The following U2AF2 variants were observed in gnomAD, a reference collection of about 807,000 sequenced individuals.
U2AF2 encodes splicing factor U2AF 65 kDa subunit.
Under a neutral mutation model 52.6 loss-of-function variants are expected in U2AF2, and 6 were observed. The ratio of observed to expected loss-of-function variants is 0.11; its 90% CI spans 0.06 to 0.23. U2AF2 has a LOEUF of 0.23. U2AF2 is among the 10% of genes least tolerant of loss of function. U2AF2 has a pLI of 1.00. For missense variants in U2AF2, 222 were observed against 677.1 expected (o/e 0.33, Z 7.46); for synonymous variants, 284 against 258.2 (o/e 1.10, Z -0.96).
rs889385345 is a variant in U2AF2, at chr19:55,668,713, A to G, written c.866A>G (p.Asn289Ser). 1 of 1,613,660 alleles carries G rather than the reference A, an allele frequency of 6.2e-7. No homozygotes were observed. The highest frequency in any genetic ancestry group is 8.5e-7 in the Non-Finnish European group (1 of 1,179,746). ...LTSFGPLKAFNLVKDSATGLS... is the reference protein window; with the variant it reads ...LTSFGPLKAFSLVKDSATGLS... ...TCCTTTGGGCCCCTCAAGGCCTTCAACCTGGTCAAGGACAGTGCCACGGGG... is the reference window on the plus strand; with the variant it reads ...TCCTTTGGGCCCCTCAAGGCCTTCAGCCTGGTCAAGGACAGTGCCACGGGG... The change falls in exon 9 of 12, where the codon AAC becomes AGC. Residue 289 changes from asparagine (N) to serine (S), a missense_variant. Transcript: ENST00000308924. This position sits in a 1 kb window ranked among gnomAD's most constrained non-coding sequence, Gnocchi z 5.5.
At chr19:55,658,915 C>T (rs993801701) in intron 1 of U2AF2, 3 of 333,010 alleles carry the variant, frequency 9.0e-6, no homozygotes, top group East Asian at 9.6e-5. Context: ...CCTCAGCCCT[C>T]GAGGGGGACC....
intron 11 of U2AF2, chr19:55,670,580 T>C (rs1054551236): frequency 8.4e-6 from 2 of 238,876 alleles, no homozygotes; most frequent in African/African-American, 5.0e-5. Context: ...GCATGCCGTA[T>C]TGAGTCGGGG....
intron 7 of U2AF2, among the ~76,000 whole-genome samples, chr19:55,664,774 G>A (rs1490528055): frequency 6.6e-6 from 1 of 152,174 alleles, no homozygotes; most frequent in African/African-American, 2.4e-5. Flanking sequence ...CTGGAATGCA[G>A]TGGCACGATC....
In U2AF2 at chr19:55,660,160, T is replaced by TTCC; in HGVS notation, c.186-17_186-16insTCC. 1.3e-6 allele frequency: 2 copies of TTCC among 1,595,006 alleles called. No homozygotes were observed. Among genetic ancestry groups the TTCC allele is most frequent in the Middle Eastern group, 1.7e-4 (1 of 5,986 alleles). ...CCCCAGTCACCCCTCCCCATACCTT[T>TTCC]CCCTCCCACCCCCCAGCAAACCTTT... On this transcript the variant is annotated splice_polypyrimidine_tract_variant and intron_variant, in intron 2 of 11. Coordinates refer to ENST00000308924, the MANE Select transcript of U2AF2 (RefSeq NM_007279.3).
Position 55,660,174 on chromosome 19 carries a change from C to T in U2AF2, c.186-3C>T, listed in dbSNP as rs377152970. On this transcript the variant is annotated splice_region_variant and splice_polypyrimidine_tract_variant and intron_variant, in intron 2 of 11. Transcript: ENST00000308924. ...CCCCATACCTTTCCCTCCCACCCCCCAGCAAACCTTTGACCAGAGGCGCTA... is the reference window on the plus strand; with the variant it reads ...CCCCATACCTTTCCCTCCCACCCCCTAGCAAACCTTTGACCAGAGGCGCTA... The T allele has an allele frequency of 3.8e-5, 61 of 1,609,126 alleles. No individual in the cohort carries two copies. The highest frequency in any genetic ancestry group is 1.7e-4 in the African/African-American group (13 of 74,634).
At chr19:55,661,811 G>C (rs988806242) in intron 5 of U2AF2, 2 of 152,064 alleles carry the variant, frequency 1.3e-5, no homozygotes, top group Non-Finnish European at 2.9e-5. Flanking sequence ...GCAACAAAAA[G>C]TTTGCTACCA....
At chr19:55,661,473 C>T (rs1480108469) in intron 5 of U2AF2, among the ~76,000 whole-genome samples, 1 of 145,780 alleles carries the variant, frequency 6.9e-6, no homozygotes, top group Admixed American at 7.0e-5. Context: ...ACCTACGTGT[C>T]GGAGAGAGAC....
At chr19:55,658,145 T>C (rs376993033) in intron 1 of U2AF2, among the ~76,000 whole-genome samples, 1 of 152,196 alleles carries the variant, frequency 6.6e-6, no homozygotes, top group Non-Finnish European at 1.5e-5. Context: ...TTCCTCCTCT[T>C]GTCCCCAGGG....
intron 11 of U2AF2, among the ~76,000 whole-genome samples, chr19:55,673,463 C>T (rs1161972580): frequency 2.0e-5 from 3 of 152,096 alleles, no homozygotes; most frequent in Non-Finnish European, 2.9e-5. Context: ...GTTAGAAGCT[C>T]GAATAGATCA....
chr19:55,674,007 A>C lies in U2AF2; in HGVS notation c.1367A>C (p.Asn456Thr). ...MQGLTGRKFA[N>T]RVVVTKYCDP... is the part of the protein sequence containing the mutation. ...GGCCTGACGGGCCGCAAGTTCGCCAACAGAGTGGTTGTCACAAAATACTGT... is the reference window on the plus strand; with the variant it reads ...GGCCTGACGGGCCGCAAGTTCGCCACCAGAGTGGTTGTCACAAAATACTGT... Residue 456 changes from asparagine to threonine, a missense_variant, in exon 12 of 12, where the codon AAC becomes ACC. This residue lies in a region of U2AF2 where 71 missense variants were observed against 180.6 expected (regional missense o/e 0.39). Transcript: ENST00000308924. The C allele has an allele frequency of 6.2e-7, 1 of 1,613,540 alleles. No homozygotes were observed. The highest frequency in any genetic ancestry group is 8.5e-7 in the Non-Finnish European group (1 of 1,179,710).
chr19:55,660,496 T>TCGC lies in U2AF2; in HGVS notation c.231-19_231-18insGCC. 1.1e-6 allele frequency: 1 copy of TCGC among 894,578 alleles called. No homozygotes were observed. The allele number at this position is 894,578 out of a possible 1,614,324, so 55.4% of individuals were successfully genotyped here. ...AGACTGAGGTTGCCCTGCCCCGCTC[T>TCGC]CCCCTCCCACCTCCCCCAGTCGTTC... is the stretch of plus-strand genomic sequence containing the variant. On this transcript the variant is annotated intron_variant, in intron 3 of 11. Coordinates refer to ENST00000308924, the MANE Select transcript of U2AF2 (RefSeq NM_007279.3).
chr19:55,662,792 T>C (rs1984300461), intron 6 of U2AF2, among the ~76,000 whole-genome samples, 174 bp downstream of exon 6: 1 of 152,098 alleles, frequency 6.6e-6, no homozygotes, highest in African/African-American at 2.4e-5. Flanking sequence ...TGATCCTACT[T>C]TCTGCCTTCC....
At position 55,668,167 on chromosome 19, in the gene U2AF2, C is replaced by G. The variant is rs186350054; in HGVS notation, c.743-340C>G. 2.8e-4 allele frequency among the ~76,000 whole-genome samples: 43 copies of G among 152,164 alleles called. No homozygotes were observed. Among genetic ancestry groups the G allele is most frequent in the Middle Eastern group, 6.8e-3 (2 of 294 alleles). On this transcript the variant is annotated intron_variant, in intron 7 of 11. Coordinates refer to ENST00000308924, the MANE Select transcript of U2AF2 (RefSeq NM_007279.3). This position sits in a 1 kb window ranked among gnomAD's most constrained non-coding sequence, Gnocchi z 5.5. ...TGTGACTCACCAGTAGGTCCCGAGC[C>G]CAGGTGACCTGCCAGCATTCCACAG...
chr19:55,669,308 TG>T (rs1984734201), intron 10 of U2AF2, 127 bp downstream of exon 10: 3 of 1,546,830 alleles, frequency 1.9e-6, no homozygotes, highest in African/African-American at 2.7e-5. Context: ...AGTGCAGTGT[TG>T]GGGAGTCGGG....
At chr19:55,666,157 G>C (rs1020183784) in intron 7 of U2AF2, among the ~76,000 whole-genome samples, 1 of 152,224 alleles carries the variant, frequency 6.6e-6, no homozygotes, top group Non-Finnish European at 1.5e-5. Context: ...CCCAGTGATA[G>C]TGGCTGCCGA....
At position 55,659,430 on chromosome 19, in the gene U2AF2, G is replaced by T. The variant is rs557315310; in HGVS notation, c.185+85G>T. 8.0e-6 allele frequency: 11 copies of T among 1,379,616 alleles called. No individual in the cohort carries two copies. The African/African-American group carries it at 1.5e-4, about 19-fold the overall frequency. 85.5% of individuals were successfully genotyped at this position (1,379,616 alleles called of 1,614,324 possible). ...GCCTGTGGGTGGCCTGTGTGTGTCT[G>T]TGTCTGGGTCCGGGCCCTGTGTGGC... is the stretch of plus-strand genomic sequence containing the variant. On this transcript the variant is annotated intron_variant, in intron 2 of 11. Coordinates refer to ENST00000308924, the MANE Select transcript of U2AF2 (RefSeq NM_007279.3).
chr19:55,670,648 C>A, intron 11 of U2AF2: 1 of 258,110 alleles, frequency 3.9e-6, no homozygotes, highest in South Asian at 3.6e-5. Flanking sequence ...CAAGAGGTGG[C>A]AGTGAGCAGG....
In U2AF2 at chr19:55,674,226, C is replaced by CGGGGGTTG. The variant is rs59036809; in HGVS notation, c.*174_*181dup. 2 of 32,808 alleles carry CGGGGGTTG rather than the reference C, an allele frequency of 6.1e-5. No homozygotes were observed. Among genetic ancestry groups the CGGGGGTTG allele is most frequent in the Non-Finnish European group, 1.1e-4 (1 of 9,064 alleles). The allele number at this position is 32,808 out of a possible 1,614,324, so 2.0% of individuals were successfully genotyped here. A position where few individuals can be genotyped will look rare whatever the true frequency, so the allele number is the denominator to read the frequency against. On this transcript the variant is annotated 3_prime_UTR_variant, in exon 12 of 12. Coordinates refer to ENST00000308924, the MANE Select transcript of U2AF2 (RefSeq NM_007279.3). ...AATGGCAGCAATTAAGGGTGGGGGG[C>CGGGGGTTG]GGGGGTTGGGGGGTTGGGGGGTTAG...
At chr19:55,662,204 A>T in intron 5 of U2AF2, 1 of 292,074 alleles carries the variant, frequency 3.4e-6, no homozygotes. Flanking sequence ...TTTCTTGAAC[A>T]ATCTTCTCCT....
Sources: gnomAD v4.1 joint callset for allele counts (sites outside exome capture counted in the v4.1 genomes callset) on GRCh38, gnomAD v4.1.1 for gene constraint, gnomAD v4.1.1 regional missense constraint, Gnocchi (gnomAD v3.1) non-coding constraint, MANE v1.5 for transcripts, NCBI Gene and HGNC (gene_info 2026-07-23, HGNC 2026-07-21) for gene names.